Variants in DDX18 observed in about 807,000 individuals in gnomAD.
The protein encoded by DDX18 is DEAD-box helicase 18.
Under a neutral mutation model 73.5 loss-of-function variants are expected in DDX18, and 23 were observed. That is an observed-to-expected ratio of 0.31 (90% CI 0.23 to 0.44). The LOEUF (loss-of-function observed/expected upper bound fraction) is 0.44. Ranked by LOEUF, DDX18 falls within the 20% of genes least tolerant of loss-of-function variation. The probability of loss-of-function intolerance (pLI) is 1.00; values close to 1 mark genes in which losing one functional copy is unlikely to be tolerated. For missense variants in DDX18, 753 were observed against 792.9 expected (o/e 0.95, Z 0.60); for synonymous variants, 268 against 282.7 (o/e 0.95, Z 0.52).
chr2:117,817,318 C>A, intron 1 of DDX18, 126 bp from the exon 2 acceptor site: 1 of 929,188 alleles, frequency 1.1e-6, no homozygotes, highest in Non-Finnish European at 1.6e-6. Flanking sequence ...GTTTTAATTA[C>A]ATGAAAGAGA....
Position 117,822,164 on chromosome 2 carries a change from G to A in DDX18, c.969G>A (p.Met323Ile), listed in dbSNP as rs771757586. ...TTTGTTAGAATACCCCAGGATTTAT[G>A]TATAAAAACCTGCAGTGTCTGGTTA... Reference protein sequence around the residue: ...LDHMQNTPGFMYKNLQCLVID... With the variant: ...LDHMQNTPGFIYKNLQCLVID... The change falls in exon 7 of 14, where the codon ATG (methionine) becomes ATA (isoleucine). Residue 323 changes from methionine to isoleucine, a missense_variant. By Grantham distance (10) the Met-to-Ile change is conservative (BLOSUM62 1). Coordinates refer to ENST00000263239, the MANE Select transcript of DDX18 (RefSeq NM_006773.4). 2.5e-6 allele frequency: 4 copies of A among 1,613,778 alleles called. No homozygotes were observed. Among genetic ancestry groups the A allele is most frequent in the African/African-American group, 1.3e-5 (1 of 74,894 alleles).
intron 2 of DDX18, among the ~76,000 whole-genome samples, 197 bp downstream of exon 2, chr2:117,817,925 G>A (rs1286971418): frequency 6.6e-6 from 1 of 152,134 alleles, no homozygotes; most frequent in Non-Finnish European, 1.5e-5. Flanking sequence ...TCAAAATATT[G>A]AGGAATATAT....
At chr2:117,826,163 G>T (rs1679924562) in intron 10 of DDX18, 106 bp from the exon 11 acceptor site, 1 of 885,296 alleles carries the variant, frequency 1.1e-6, no homozygotes, top group South Asian at 1.6e-5. Context: ...AGCACCGTGG[G>T]ACTACACCAT....
rs1032713387 is a variant in DDX18, at chr2:117,826,350, T to C, written c.1603T>C (p.Leu535=). ...CTTGCTCATTTTGCGCCCAGAAGAATTGGGTTTTCTTCGCTACTTGAAACA... is the reference window on the plus strand; with the variant it reads ...CTTGCTCATTTTGCGCCCAGAAGAACTGGGTTTTCTTCGCTACTTGAAACA... ...HALLILRPEE[L]GFLRYLKQSK... Residue 535 remains leucine, a synonymous_variant, in exon 11 of 14, where the codon TTG becomes CTG. Transcript: ENST00000263239. 3 of 1,613,916 alleles carry C rather than the reference T, an allele frequency of 1.9e-6. No homozygotes were observed. The highest frequency in any genetic ancestry group is 2.7e-5 in the African/African-American group (2 of 74,886).
Position 117,819,685 on chromosome 2 carries a change from C to A in DDX18, c.407C>A (p.Ser136Tyr), listed in dbSNP as rs1156379151. Residue 136 changes from serine (S) to tyrosine (Y), a missense_variant, in exon 3 of 14, where the codon TCT becomes TAT. Transcript: ENST00000263239. ...KKAKTENKGKSEEESAETTKE... is the reference protein window; with the variant it reads ...KKAKTENKGKYEEESAETTKE... Reference sequence around the variant, plus strand: ...GCAAAAACTGAAAACAAAGGGAAATCTGAAGAAGAAAGTGCCGAGACTACT... The same window carrying A: ...GCAAAAACTGAAAACAAAGGGAAATATGAAGAAGAAAGTGCCGAGACTACT... 1.9e-6 allele frequency: 3 copies of A among 1,590,290 alleles called. No homozygotes were observed. The East Asian group carries it at 6.8e-5, about 36-fold the overall frequency.
At chr2:117,817,916 C>G (rs948216663) in intron 2 of DDX18, among the ~76,000 whole-genome samples, 188 bp downstream of exon 2, 28 of 152,182 alleles carry the variant, frequency 1.8e-4, no homozygotes, top group Admixed American at 1.6e-3. Context: ...CAACTTTTCT[C>G]AAAATATTGA....
At position 117,819,784 on chromosome 2, in the gene DDX18, G is replaced by T. The variant is rs1197413536; in HGVS notation, c.506G>T (p.Gly169Val). 1 of 1,581,230 alleles carries T rather than the reference G, an allele frequency of 6.3e-7. No individual in the cohort carries two copies. Among genetic ancestry groups the T allele is most frequent in the Non-Finnish European group, 8.6e-7 (1 of 1,168,914 alleles). ...DESEVPSLPL[G>V]LTGAFEDTSF... ...AGTGAGGTGCCCAGTCTGCCCCTGG[G>T]ACTGACAGGTAACGTCCAGGAAGTT... Residue 169 changes from glycine to valine, a missense_variant, in exon 3 of 14, where the codon GGA (glycine) becomes GTA (valine). Coordinates refer to ENST00000263239, the MANE Select transcript of DDX18 (RefSeq NM_006773.4).
At chr2:117,828,859 A>G (rs113803503) in intron 11 of DDX18, 90 bp from the exon 12 acceptor site, 13 of 902,110 alleles carry the variant, frequency 1.4e-5, no homozygotes, top group African/African-American at 1.0e-4. Context: ...AGGGAATTTC[A>G]TAGGCCGGTT....
chr2:117,825,113 T>C lies in DDX18; in HGVS notation c.1368+12T>C, dbSNP rs575230561. ...TCTTGGCCATTCATGTAAGTGATGA[T>C]GATGAGCTCATTGAAAACAGGGTAT... is the stretch of plus-strand genomic sequence containing the variant. On this transcript the variant is annotated intron_variant, in intron 9 of 13. Coordinates refer to ENST00000263239, the MANE Select transcript of DDX18 (RefSeq NM_006773.4). 2.5e-6 allele frequency: 4 copies of C among 1,603,148 alleles called. No homozygotes were observed. Among genetic ancestry groups the C allele is most frequent in the Non-Finnish European group, 3.4e-6 (4 of 1,176,754 alleles).
chr2:117,828,580 A>C (rs1679972166), intron 11 of DDX18: 1 of 191,224 alleles, frequency 5.2e-6, no homozygotes, highest in Non-Finnish European at 1.1e-5. Flanking sequence ...GCCTCAATAC[A>C]GGACTGTGGG....
In DDX18 at chr2:117,825,098, T is replaced by G. The variant is rs774992319; in HGVS notation, c.1365T>G (p.Ile455Met). 3.3e-5 allele frequency: 53 copies of G among 1,607,344 alleles called. No individual in the cohort carries two copies. The African/African-American group carries it at 5.2e-4, about 16-fold the overall frequency. ...ACATTGATTTGCCCGTCTTGGCCAT[T>G]CATGTAAGTGATGATGATGAGCTCA... ...LNYIDLPVLA[I>M]HGKQKQNKRT... is the part of the protein sequence containing the mutation. The change falls in exon 9 of 14, where the codon ATT (isoleucine) becomes ATG (methionine). Residue 455 changes from isoleucine (I) to methionine (M), a missense_variant. This residue lies in a region of DDX18 where 402 missense variants were observed against 419.4 expected (regional missense o/e 0.96). Coordinates refer to ENST00000263239, the MANE Select transcript of DDX18 (RefSeq NM_006773.4).
intron 11 of DDX18, 96 bp downstream of exon 11, chr2:117,826,478 G>A (rs1308461707): frequency 2.6e-6 from 3 of 1,134,262 alleles, no homozygotes; most frequent in East Asian, 5.1e-5. Context: ...AGTCTGGCCA[G>A]TGCTGTTACA....
At chr2:117,828,859 A>C in intron 11 of DDX18, 90 bp from the exon 12 acceptor site, 1 of 902,112 alleles carries the variant, frequency 1.1e-6, no homozygotes, top group Non-Finnish European at 1.8e-6. Context: ...AGGGAATTTC[A>C]TAGGCCGGTT....
At chr2:117,829,179 CTT>C in intron 12 of DDX18, 108 bp from the exon 13 acceptor site, 3 of 1,261,076 alleles carry the variant, frequency 2.4e-6, no homozygotes, top group Non-Finnish European at 3.3e-6. Context: ...TCTGTGCCCT[CTT>C]TAAATGTTTT....
In DDX18 at chr2:117,822,142, G is replaced by A; in HGVS notation, c.952-5G>A. 6.2e-7 allele frequency: 1 copy of A among 1,613,826 alleles called. No homozygotes were observed. Among genetic ancestry groups the A allele is most frequent in the Non-Finnish European group, 8.5e-7 (1 of 1,179,800 alleles). On this transcript the variant is annotated splice_polypyrimidine_tract_variant and splice_region_variant and intron_variant, in intron 6 of 13. Transcript: ENST00000263239. ...ATGGTTGTTCTTTGTCCTTTGTTTTGTTAGAATACCCCAGGATTTATGTAT... is the reference window on the plus strand; with the variant it reads ...ATGGTTGTTCTTTGTCCTTTGTTTTATTAGAATACCCCAGGATTTATGTAT...
At position 117,825,070 on chromosome 2, in the gene DDX18, A is replaced by C. The variant is rs780011548; in HGVS notation, c.1337A>C (p.Asn446Thr). ...GTGAAATACCACTATGAGTTGCTGA[A>C]CTACATTGATTTGCCCGTCTTGGCC... ...MSVKYHYELL[N>T]YIDLPVLAIH... The change falls in exon 9 of 14, where the codon AAC (asparagine) becomes ACC (threonine). Residue 446 changes from asparagine (N) to threonine (T), a missense_variant. Physicochemically the swap from Asn to Thr is moderately conservative, Grantham distance 65 (BLOSUM62 0). Around this residue, in one of 3 missense-constraint regions of DDX18, gnomAD observed 402 missense variants for 419.4 expected, o/e 0.96. Transcript: ENST00000263239. 1.2e-6 allele frequency: 2 copies of C among 1,612,920 alleles called. No homozygotes were observed. The highest frequency in any genetic ancestry group is 2.2e-5 in the South Asian group (2 of 90,780).
At chr2:117,821,814 C>G (rs762476109) in intron 5 of DDX18, 48 bp from the exon 6 acceptor site, 3 of 1,612,456 alleles carry the variant, frequency 1.9e-6, no homozygotes, top group Non-Finnish European at 2.5e-6. Context: ...CTGTTACGGA[C>G]TCAGTGGTGA....
At chr2:117,817,399 ACTT>A (rs1288432354) in intron 1 of DDX18, 42 bp from the exon 2 acceptor site, 2 of 1,509,196 alleles carry the variant, frequency 1.3e-6, no homozygotes, top group Non-Finnish European at 8.8e-7. Flanking sequence ...TTCTAAGTAA[ACTT>A]CTCCTTCTTT....
At chr2:117,820,529 A>C (rs1359949275) in intron 3 of DDX18, among the ~76,000 whole-genome samples, 3 of 152,194 alleles carry the variant, frequency 2.0e-5, no homozygotes, top group Non-Finnish European at 4.4e-5. Flanking sequence ...ACTGCATAAT[A>C]TCTTATAAGG....
Sources: gnomAD v4.1 joint callset for allele counts (sites outside exome capture counted in the v4.1 genomes callset) on GRCh38, gnomAD v4.1.1 for gene constraint, gnomAD v4.1.1 regional missense constraint, MANE v1.5 for transcripts, NCBI Gene and HGNC (gene_info 2026-07-23, HGNC 2026-07-21) for gene names.